MGLL: variants seen among roughly 807,000 people sequenced by gnomAD.
The protein encoded by MGLL is monoglyceride lipase.
In MGLL, 7 loss-of-function variants were observed where a neutral mutation model predicts 29.1. The ratio of observed to expected loss-of-function variants is 0.24; its 90% CI spans 0.14 to 0.45. The LOEUF is 0.45. Among genes scored for constraint, MGLL ranks in the 20% least tolerant of loss-of-function variants. The pLI, the probability that MGLL is intolerant of heterozygous loss-of-function variation, is 0.99. For missense variants in MGLL, 356 were observed against 413.6 expected, an observed-to-expected ratio of 0.86 and a Z score of 1.21; for synonymous variants, 148 against 168.3, an observed-to-expected ratio of 0.88 and a Z score of 0.93.
chr3:127,707,523 A>G (rs2075626799), intron 6 of MGLL, among the ~76,000 whole-genome samples: 1 of 152,238 alleles, frequency 6.6e-6, no homozygotes, highest in Admixed American at 6.5e-5. Flanking sequence ...CAAACATAAT[A>G]AATGTCTGTG....
intron 2 of MGLL, among the ~76,000 whole-genome samples, chr3:127,802,022 G>A (rs1418286164): frequency 1.3e-5 from 2 of 151,990 alleles, no homozygotes; most frequent in African/African-American, 2.4e-5. Flanking sequence ...TAGGCTCTGG[G>A]GACACATCTC....
intron 2 of MGLL, among the ~76,000 whole-genome samples, chr3:127,809,432 C>T (rs2077622737): frequency 6.6e-6 from 1 of 152,048 alleles, no homozygotes; most frequent in South Asian, 2.1e-4. Flanking sequence ...TTGTGACATG[C>T]CTGGGCAACA....
At chr3:127,740,264 C>A (rs1340317321) in intron 3 of MGLL, among the ~76,000 whole-genome samples, 1 of 152,204 alleles carries the variant, frequency 6.6e-6, no homozygotes, top group African/African-American at 2.4e-5. Context: ...GCTACCAGCA[C>A]CATCCAGCTT....
At position 127,698,025 on chromosome 3, in the gene MGLL, G is replaced by A. The variant is rs140935411; in HGVS notation, c.601-2835C>T. On this transcript the variant is annotated intron_variant, in intron 6 of 7. Coordinates refer to ENST00000265052, the MANE Select transcript of MGLL (RefSeq NM_007283.7). The stretch of plus-strand genomic sequence containing the variant: ...GTGTCCTGGGCACAGCAGGCGCTCG[G>A]GGACTCTGCTTCTGAGTTTAATTGC... Among the ~76,000 whole-genome samples, 291 of 152,334 alleles carry A rather than the reference G, an allele frequency of 1.9e-3. 3 individuals carry two copies. The highest frequency in any genetic ancestry group is 0.015 in the South Asian group (72 of 4,826).
intron 3 of MGLL, among the ~76,000 whole-genome samples, chr3:127,733,412 C>T (rs999232317): frequency 6.6e-6 from 1 of 152,210 alleles, no homozygotes; most frequent in Non-Finnish European, 1.5e-5. Context: ...CTAATAAACT[C>T]GCTTTCATGT....
At chr3:127,794,008 G>A (rs1559974571) in intron 2 of MGLL, among the ~76,000 whole-genome samples, 2 of 152,174 alleles carry the variant, frequency 1.3e-5, no homozygotes, top group Non-Finnish European at 2.9e-5. Flanking sequence ...GCTGTCTTCT[G>A]TGATATAAGG....
intron 6 of MGLL, among the ~76,000 whole-genome samples, chr3:127,695,700 C>T (rs185106078): frequency 9.2e-5 from 14 of 152,084 alleles, no homozygotes; most frequent in African/African-American, 1.7e-4. Context: ...GCCAAGATGG[C>T]GCCACTGCAC....
chr3:127,692,115 T>TTTTCAA lies in MGLL; in HGVS notation c.*82_*83insTTGAAA. 1.0e-5 allele frequency: 5 copies of TTTTCAA among 492,140 alleles called. No individual in the cohort carries two copies. Among genetic ancestry groups the TTTTCAA allele is most frequent in the Non-Finnish European group, 1.3e-5 (4 of 316,766 alleles). The allele number at this position is 492,140 out of a possible 1,614,324, so 30.5% of individuals were successfully genotyped here. On this transcript the variant is annotated 3_prime_UTR_variant, in exon 8 of 8. Transcript: ENST00000265052. ...TCTGATTTTTTTTTTTTTTTTTTTT[T>TTTTCAA]GGCAAGCCATATCTGAGAAGCCATC...
At chr3:127,703,381 T>C (rs575214100) in intron 6 of MGLL, among the ~76,000 whole-genome samples, 7 of 152,332 alleles carry the variant, frequency 4.6e-5, no homozygotes, top group Admixed American at 3.3e-4. Flanking sequence ...AGCAAAATCA[T>C]GCAGTCTCAA....
intron 2 of MGLL, among the ~76,000 whole-genome samples, chr3:127,783,340 C>T (rs2077161748): frequency 6.6e-6 from 1 of 152,058 alleles, no homozygotes; most frequent in Non-Finnish European, 1.5e-5. Flanking sequence ...TCTGGCAACC[C>T]CTCCCGGGCC....
chr3:127,726,158 A>AAG (rs2076031916), intron 3 of MGLL, among the ~76,000 whole-genome samples: 1 of 29,232 alleles, frequency 3.4e-5, no homozygotes, highest in African/African-American at 1.3e-4. Flanking sequence ...GAAAGAAAGA[A>AAG]AGAAAGAAAG....
rs370778208 is a variant in MGLL at position 127,822,225 on chromosome 3, A to T, written c.10+84T>A. ...CCCATCTATCTTAAAATCTCCAAGG[A>T]ACAGTTTCAAGTGGGCACAATAATG... On this transcript the variant is annotated intron_variant, in intron 1 of 7. Transcript: ENST00000265052. 418 of 1,470,112 alleles carry T rather than the reference A, an allele frequency of 2.8e-4. 1 individual carries two copies. The Middle Eastern group carries it at 3.3e-3, about 12-fold the overall frequency. 91.1% of individuals were successfully genotyped at this position (1,470,112 alleles called of 1,614,324 possible). A position where few individuals can be genotyped will look rare whatever the true frequency, so the allele number is the denominator to read the frequency against.
chr3:127,735,951 A>T, intron 3 of MGLL: 1 of 1,473,618 alleles, frequency 6.8e-7, no homozygotes, highest in Non-Finnish European at 9.0e-7. Flanking sequence ...GCTCTCTTAG[A>T]GTGCAAGCGT....
At chr3:127,708,261 G>T (rs2075641919) in intron 6 of MGLL, among the ~76,000 whole-genome samples, 1 of 152,232 alleles carries the variant, frequency 6.6e-6, no homozygotes, top group Non-Finnish European at 1.5e-5. Context: ...GCGAGGGAGG[G>T]AAAGGCGTGC....
chr3:127,809,124 TG>T (rs1447052208), intron 2 of MGLL, among the ~76,000 whole-genome samples: 1 of 152,218 alleles, frequency 6.6e-6, no homozygotes, highest in Admixed American at 6.5e-5. Context: ...GCAAGCACTA[TG>T]CCCACAAAGG....
chr3:127,737,630 C>CT (rs774965066), intron 3 of MGLL, among the ~76,000 whole-genome samples: 970 of 68,556 alleles, frequency 0.014, 79 homozygotes, highest in Admixed American at 0.026. Context: ...TCAACTGCTT[C>CT]TTTTTTTTTT....
intron 4 of MGLL, 49 bp from the exon 5 acceptor site, chr3:127,721,212 A>G: frequency 6.6e-7 from 1 of 1,504,118 alleles, no homozygotes; most frequent in Non-Finnish European, 9.2e-7. Context: ...GCACCAGTGC[A>G]CACATTTCTA....
chr3:127,808,017 C>A (rs2077599046), intron 2 of MGLL, among the ~76,000 whole-genome samples: 1 of 152,074 alleles, frequency 6.6e-6, no homozygotes, highest in Non-Finnish European at 1.5e-5. Flanking sequence ...GCCTCGGCCT[C>A]CCAAAGTGCT....
chr3:127,708,166 T>C (rs1459623177), intron 6 of MGLL, among the ~76,000 whole-genome samples: 1 of 152,238 alleles, frequency 6.6e-6, no homozygotes, highest in East Asian at 1.9e-4. Flanking sequence ...CGATGTTAGA[T>C]GCCTTTCCCA....
Sources: gnomAD v4.1 joint callset for allele counts (sites outside exome capture counted in the v4.1 genomes callset) on GRCh38, gnomAD v4.1.1 for gene constraint, MANE v1.5 for transcripts, NCBI Gene and HGNC (gene_info 2026-07-23, HGNC 2026-07-21) for gene names.